The following MBD5 variants were observed in gnomAD, a reference collection of about 807,000 sequenced individuals.
The protein encoded by MBD5 is methyl-CpG binding domain protein 5.
MBD5 carries 13 observed loss-of-function variants against 117.3 expected under a neutral mutation model. That is an observed-to-expected ratio of 0.11 (90% CI 0.07 to 0.18). The LOEUF is 0.18. Ranked by LOEUF, MBD5 falls within the 10% of genes least tolerant of loss-of-function variation. MBD5 has a pLI of 1.00. For missense variants in MBD5, 1,879 were observed against 2,093.8 expected (o/e 0.90, Z 2.00); for synonymous variants, 727 against 766.4 (o/e 0.95, Z 0.85).
At chr2:148,227,471 A>G (rs763482457) in intron 2 of MBD5, among the ~76,000 whole-genome samples, 3 of 152,046 alleles carry the variant, frequency 2.0e-5, no homozygotes, top group African/African-American at 7.2e-5. Context: ...CCATTGGTCT[A>G]TATCTCTGTT....
chr2:148,280,860 T>G (rs1354268372), intron 3 of MBD5, among the ~76,000 whole-genome samples: 1 of 152,240 alleles, frequency 6.6e-6, no homozygotes, highest in African/African-American at 2.4e-5. Flanking sequence ...TAATTTTAAG[T>G]GTTTAGGCTA....
At chr2:148,217,322 G>C (rs1264885887) in intron 2 of MBD5, among the ~76,000 whole-genome samples, 3 of 152,152 alleles carry the variant, frequency 2.0e-5, no homozygotes, top group African/African-American at 7.2e-5. Flanking sequence ...AGCTGTGATG[G>C]TAGCAAGAAC....
In MBD5 at chr2:148,516,710, C is replaced by A. The variant is rs1273748544; in HGVS notation, c.*3769C>A. ...TGATATAGAAAAAATATATAAAAAG[C>A]ATTATCTTCAAATATGAAAGATTAA... On this transcript the variant is annotated 3_prime_UTR_variant, in exon 14 of 14. Transcript: ENST00000642680. 1 of 152,158 alleles carries A rather than the reference C, an allele frequency of 6.6e-6. No individual in the cohort carries two copies. Among genetic ancestry groups the A allele is most frequent in the Non-Finnish European group, 1.5e-5 (1 of 68,014 alleles). 9.4% of individuals were successfully genotyped at this position (152,158 alleles called of 1,614,324 possible).
chr2:148,410,782 G>A (rs1705224434), intron 4 of MBD5, among the ~76,000 whole-genome samples: 1 of 152,150 alleles, frequency 6.6e-6, no homozygotes, highest in Non-Finnish European at 1.5e-5. Context: ...TGAATATGTT[G>A]CAAATATTTT....
intron 4 of MBD5, among the ~76,000 whole-genome samples, chr2:148,343,202 G>A (rs1259718713): frequency 6.6e-6 from 1 of 151,916 alleles, no homozygotes; most frequent in African/African-American, 2.4e-5. Flanking sequence ...GTAGATTATG[G>A]AATCTTTACT....
chr2:148,352,636 G>A (rs989100312), intron 4 of MBD5, among the ~76,000 whole-genome samples: 2 of 151,766 alleles, frequency 1.3e-5, no homozygotes, highest in Admixed American at 6.6e-5. Flanking sequence ...TAAACTTTGG[G>A]GATTGACTAT....
At chr2:148,074,507 G>GTTTTTTTTTTTTTTTTTTTT (rs11443189) in intron 1 of MBD5, among the ~76,000 whole-genome samples, 3 of 113,770 alleles carry the variant, frequency 2.6e-5, no homozygotes, top group African/African-American at 6.9e-5. Context: ...TTTTTTTTTT[G>GTTTTTTTTTTTTTTTTTTTT]TTTTTTTTTT....
intron 4 of MBD5, among the ~76,000 whole-genome samples, chr2:148,447,206 A>AGAAAGAAG (rs1706579215): frequency 8.2e-5 from 1 of 12,164 alleles, no homozygotes; most frequent in African/African-American, 1.0e-4. Context: ...AAAGAAAGAA[A>AGAAAGAAG]GAAAGAAAGA....
intron 3 of MBD5, among the ~76,000 whole-genome samples, chr2:148,324,913 T>A (rs1368010218): frequency 1.7e-4 from 26 of 152,200 alleles, no homozygotes; most frequent in Non-Finnish European, 2.4e-4. Flanking sequence ...GTCTTGTGCC[T>A]GTTTTCAAAG....
intron 2 of MBD5, among the ~76,000 whole-genome samples, chr2:148,182,736 G>C (rs1241741463): frequency 6.6e-6 from 1 of 152,162 alleles, no homozygotes; most frequent in Non-Finnish European, 1.5e-5. Flanking sequence ...CCCTTCCAAT[G>C]GCTTTTGATG....
intron 3 of MBD5, among the ~76,000 whole-genome samples, chr2:148,317,850 A>T (rs1198283042): frequency 6.6e-6 from 1 of 152,178 alleles, no homozygotes; most frequent in Non-Finnish European, 1.5e-5. Flanking sequence ...TTCTTTATCC[A>T]GTCCTCTGAT....
chr2:148,194,625 G>T (rs978079170), intron 2 of MBD5, among the ~76,000 whole-genome samples: 1 of 107,774 alleles, frequency 9.3e-6, no homozygotes, highest in African/African-American at 3.1e-5. Context: ...TCGGGGGAGG[G>T]GGGAGGGATA....
chr2:148,504,556 G>C (rs999520832), intron 12 of MBD5, among the ~76,000 whole-genome samples: 4 of 152,216 alleles, frequency 2.6e-5, no homozygotes, highest in African/African-American at 9.6e-5. Flanking sequence ...CAGGAACAGT[G>C]CTACAGTCCC....
chr2:148,127,131 C>G (rs1696919462), intron 1 of MBD5, among the ~76,000 whole-genome samples: 1 of 151,658 alleles, frequency 6.6e-6, no homozygotes, highest in Non-Finnish European at 1.5e-5. Context: ...GCGTGCCTGG[C>G]TAATTTTTTG....
intron 1 of MBD5, among the ~76,000 whole-genome samples, chr2:148,110,344 GT>G (rs1282903898): frequency 6.6e-6 from 1 of 152,078 alleles, no homozygotes; most frequent in Admixed American, 6.6e-5. Context: ...TTTTGTGATT[GT>G]TGACAGGAAA....
intron 4 of MBD5, among the ~76,000 whole-genome samples, chr2:148,434,131 T>C (rs965366497): frequency 2.0e-5 from 3 of 152,072 alleles, no homozygotes; most frequent in Non-Finnish European, 4.4e-5. Flanking sequence ...GTTGTATATT[T>C]CCAGAGTTTA....
At chr2:148,320,060 AT>A (rs1362321409) in intron 3 of MBD5, among the ~76,000 whole-genome samples, 1 of 152,026 alleles carries the variant, frequency 6.6e-6, no homozygotes, top group Non-Finnish European at 1.5e-5. Context: ...ACATTTATTG[AT>A]TTGTGTATGT....
chr2:148,057,129 A>T (rs1694888233), intron 1 of MBD5, among the ~76,000 whole-genome samples: 1 of 151,748 alleles, frequency 6.6e-6, no homozygotes, highest in South Asian at 2.1e-4. Flanking sequence ...AAGATTAGCA[A>T]TTTTATTAAT....
At chr2:148,267,755 TG>T (rs1335902069) in intron 3 of MBD5, among the ~76,000 whole-genome samples, 3 of 125,466 alleles carry the variant, frequency 2.4e-5, no homozygotes, top group Non-Finnish European at 1.8e-5. Flanking sequence ...CACCTGGTTT[TG>T]TTTTATGTAT....
Sources: gnomAD v4.1 joint callset for allele counts (sites outside exome capture counted in the v4.1 genomes callset) on GRCh38, gnomAD v4.1.1 for gene constraint, MANE v1.5 for transcripts, NCBI Gene and HGNC (gene_info 2026-07-23, HGNC 2026-07-21) for gene names.